SEMA6D: variants seen among roughly 807,000 people sequenced by gnomAD.
SEMA6D encodes the protein semaphorin 6D.
Under a neutral mutation model 106.6 loss-of-function variants are expected in SEMA6D, and 35 were observed. The ratio of observed to expected loss-of-function variants is 0.33; its 90% CI spans 0.25 to 0.44. The LOEUF is 0.44. Ranked by LOEUF, SEMA6D falls within the 20% of genes least tolerant of loss-of-function variation. The probability of loss-of-function intolerance (pLI) is 1.00; values close to 1 mark genes in which losing one functional copy is unlikely to be tolerated. For missense variants in SEMA6D, 1,185 were observed against 1,345.9 expected (o/e 0.88, Z 1.87); for synonymous variants, 499 against 487.7 (o/e 1.02, Z -0.31).
chr15:47,461,227 A>C (rs2042498482), intron 2 of SEMA6D, among the ~76,000 whole-genome samples: 1 of 151,924 alleles, frequency 6.6e-6, no homozygotes, highest in African/African-American at 2.4e-5. Flanking sequence ...TGGCATCCCC[A>C]CCTGCACCTC....
chr15:47,301,356 A>G (rs2036009670), intron 1 of SEMA6D, among the ~76,000 whole-genome samples: 1 of 152,182 alleles, frequency 6.6e-6, no homozygotes. Flanking sequence ...TATGCCATCC[A>G]GACTATCTAC....
intron 3 of SEMA6D, among the ~76,000 whole-genome samples, chr15:47,505,928 C>A (rs551854501): frequency 2.2e-4 from 33 of 151,892 alleles, no homozygotes; most frequent in Admixed American, 4.6e-4. Flanking sequence ...ATGTGTGGGA[C>A]GTGATTGCAG....
At chr15:47,637,478 G>T (rs557175801) in intron 4 of SEMA6D, among the ~76,000 whole-genome samples, 2 of 152,132 alleles carry the variant, frequency 1.3e-5, no homozygotes, top group East Asian at 3.9e-4. Context: ...TTTTTCTAGC[G>T]TATCAATCAA....
At chr15:47,689,477 G>A (rs1360726549) in intron 4 of SEMA6D, among the ~76,000 whole-genome samples, 3 of 152,204 alleles carry the variant, frequency 2.0e-5, no homozygotes, top group Non-Finnish European at 2.9e-5. Context: ...TCTTAGAATA[G>A]GAATCCTGGG....
At chr15:47,442,085 G>A (rs535748998) in intron 2 of SEMA6D, among the ~76,000 whole-genome samples, 1 of 152,060 alleles carries the variant, frequency 6.6e-6, no homozygotes, top group African/African-American at 2.4e-5. Context: ...TATAATTAGA[G>A]TAAATAGCTT....
At chr15:47,632,998 C>G (rs1471213282) in intron 4 of SEMA6D, among the ~76,000 whole-genome samples, 1 of 151,956 alleles carries the variant, frequency 6.6e-6, no homozygotes, top group African/African-American at 2.4e-5. Context: ...CAGTGTTTTA[C>G]CACTTCAAGT....
chr15:47,476,345 A>G (rs545692170), intron 3 of SEMA6D, among the ~76,000 whole-genome samples: 12 of 152,324 alleles, frequency 7.9e-5, no homozygotes, highest in African/African-American at 2.9e-4. Context: ...ATCTTAAAAT[A>G]AAAGCTTTTA....
At chr15:47,462,464 G>T (rs1251605819) in intron 2 of SEMA6D, among the ~76,000 whole-genome samples, 4 of 151,032 alleles carry the variant, frequency 2.6e-5, no homozygotes, top group African/African-American at 9.7e-5. Context: ...AACTATATAG[G>T]TTTTTTTTTA....
At chr15:47,392,962 G>A (rs1274827371) in intron 1 of SEMA6D, among the ~76,000 whole-genome samples, 2 of 152,312 alleles carry the variant, frequency 1.3e-5, no homozygotes, top group East Asian at 3.9e-4. Flanking sequence ...TCGGGCACCT[G>A]CATGTGGCAT....
chr15:47,324,675 A>G (rs766345299), intron 1 of SEMA6D, among the ~76,000 whole-genome samples: 43 of 150,248 alleles, frequency 2.9e-4, no homozygotes, highest in Non-Finnish European at 6.1e-4. Context: ...ATAAACTATT[A>G]TATTTAAATA....
chr15:47,305,504 TTACCAGACTGTGTTCAC>T (rs1421900215), intron 1 of SEMA6D, among the ~76,000 whole-genome samples: 3 of 152,224 alleles, frequency 2.0e-5, no homozygotes, highest in Non-Finnish European at 4.4e-5. Context: ...CTTTCCTTGG[TTACCAGACTGTGTTCAC>T]TAAAAATAAG....
At chr15:47,473,313 G>T (rs547569253) in intron 3 of SEMA6D, among the ~76,000 whole-genome samples, 19 of 152,256 alleles carry the variant, frequency 1.2e-4, no homozygotes, top group African/African-American at 4.3e-4. Context: ...GATTTGTGGA[G>T]CCAGTGGACC....
intron 4 of SEMA6D, among the ~76,000 whole-genome samples, chr15:47,710,080 A>C (rs188550116): frequency 5.2e-4 from 79 of 152,316 alleles, no homozygotes; most frequent in African/African-American, 1.9e-3. Flanking sequence ...TGGATAGCCT[A>C]ACCAAAAGAT....
intron 1 of SEMA6D, among the ~76,000 whole-genome samples, chr15:47,402,985 C>G (rs1567054935): frequency 1.3e-5 from 2 of 152,122 alleles, no homozygotes. Flanking sequence ...CATGCAGGAA[C>G]AGAATCCTGT....
At position 47,337,713 on chromosome 15, in the gene SEMA6D, C is replaced by T. The variant is rs1251085564; in HGVS notation, c.-238-74680C>T. On this transcript the variant is annotated intron_variant, in intron 1 of 19. Coordinates refer to the SEMA6D transcript ENST00000558014. Reference sequence around the variant, plus strand: ...GGAGAGATGAAAGCATGAAGGCTGGCTTACATGCCTTCATGAGTGTGCTCA... The same window carrying T: ...GGAGAGATGAAAGCATGAAGGCTGGTTTACATGCCTTCATGAGTGTGCTCA... 2.6e-5 allele frequency among the ~76,000 whole-genome samples: 4 copies of T among 152,070 alleles called. No individual in the cohort carries two copies. In the East Asian group the frequency reaches 7.7e-4, roughly 29 times the overall value.
At chr15:47,692,765 G>A (rs1395150332) in intron 4 of SEMA6D, among the ~76,000 whole-genome samples, 1 of 152,072 alleles carries the variant, frequency 6.6e-6, no homozygotes, top group East Asian at 1.9e-4. Flanking sequence ...CTCTTTTCTA[G>A]TTGTGTAGCG....
intron 1 of SEMA6D, among the ~76,000 whole-genome samples, chr15:47,348,905 T>C (rs1310828017): frequency 6.6e-6 from 1 of 152,010 alleles, no homozygotes; most frequent in African/African-American, 2.4e-5. Flanking sequence ...GCATTTGTGG[T>C]AGAGGAAACA....
chr15:47,232,231 A>G (rs1379204945), intron 1 of SEMA6D, among the ~76,000 whole-genome samples: 1 of 152,026 alleles, frequency 6.6e-6, no homozygotes, highest in Non-Finnish European at 1.5e-5. Flanking sequence ...AGGATATACT[A>G]CATATTGTTC....
chr15:47,526,376 G>A (rs532854276), intron 3 of SEMA6D, among the ~76,000 whole-genome samples: 1 of 152,268 alleles, frequency 6.6e-6, no homozygotes, highest in African/African-American at 2.4e-5. Context: ...ATACCGAACA[G>A]CATCTCTAAA....
Sources: allele counts gnomAD v4.1 joint callset (sites outside exome capture counted in the v4.1 genomes callset), GRCh38; gene constraint gnomAD v4.1.1; transcripts MANE v1.5; gene names NCBI Gene and HGNC (gene_info 2026-07-23, HGNC 2026-07-21).